Variants in WDFY3 observed in about 807,000 individuals in gnomAD.
WDFY3 encodes the protein WD repeat and FYVE domain containing 3, also known as WD repeat and FYVE domain-containing protein 3.
Under a neutral mutation model 409.6 loss-of-function variants are expected in WDFY3, and 66 were observed. The ratio of observed to expected loss-of-function variants is 0.16; its 90% confidence interval spans 0.13 to 0.20. The LOEUF (loss-of-function observed/expected upper bound fraction) is 0.20. Among genes scored for constraint, WDFY3 ranks in the 10% least tolerant of loss-of-function variants. WDFY3 has a pLI of 1.00. For synonymous variants in WDFY3, 1,521 were observed against 1,537.1 expected (o/e 0.99, Z 0.25); for missense variants, 3,031 against 4,298.1 (o/e 0.71, Z 8.24).
intron 2 of WDFY3, among the ~76,000 whole-genome samples, chr4:84,900,852 A>G (rs1445223956): frequency 6.6e-6 from 1 of 152,240 alleles, no homozygotes; most frequent in African/African-American, 2.4e-5. Flanking sequence ...AAAAACAAAA[A>G]CTTTTGAAAA....
intron 62 of WDFY3, among the ~76,000 whole-genome samples, chr4:84,685,877 G>T (rs1384984419): frequency 6.6e-6 from 1 of 152,176 alleles, no homozygotes; most frequent in African/African-American, 2.4e-5. Flanking sequence ...CAGTATTTAA[G>T]TTAAGAACAA....
intron 4 of WDFY3, among the ~76,000 whole-genome samples, chr4:84,859,436 A>T (rs1326488309): frequency 6.6e-6 from 1 of 152,178 alleles, no homozygotes; most frequent in Non-Finnish European, 1.5e-5. Context: ...ACACAACAGC[A>T]GTAAAAGTAT....
chr4:84,712,086 GGCCAA>G (rs1181950916), intron 51 of WDFY3, among the ~76,000 whole-genome samples: 1 of 151,808 alleles, frequency 6.6e-6, no homozygotes, highest in African/African-American at 2.4e-5. Context: ...CGCTTTGAGG[GGCCAA>G]GATGGGTGGA....
chr4:84,860,724 C>A (rs1258278115), intron 3 of WDFY3, 102 bp from the exon 4 acceptor site: 8 of 1,063,888 alleles, frequency 7.5e-6, no homozygotes, highest in Admixed American at 3.9e-5. Flanking sequence ...ATAGAAAATT[C>A]TGTCTAAAAT....
intron 3 of WDFY3, among the ~76,000 whole-genome samples, chr4:84,883,463 C>T (rs1763807807): frequency 6.6e-6 from 1 of 152,144 alleles, no homozygotes; most frequent in Admixed American, 6.6e-5. Flanking sequence ...AGAAGGAAAG[C>T]AATGTCATAA....
At chr4:84,695,522 A>C (rs1016139346) in intron 58 of WDFY3, among the ~76,000 whole-genome samples, 6 of 148,444 alleles carry the variant, frequency 4.0e-5, no homozygotes, top group African/African-American at 1.5e-4. Context: ...AGAGAGAGAG[A>C]GAGAGAGAGA....
At chr4:84,860,893 C>T (rs1328085510) in intron 3 of WDFY3, among the ~76,000 whole-genome samples, 7 of 152,032 alleles carry the variant, frequency 4.6e-5, no homozygotes, top group South Asian at 2.1e-4. Flanking sequence ...TAAATGTTTC[C>T]AATTAGTTTA....
chr4:84,899,481 G>A (rs907111625), intron 2 of WDFY3, among the ~76,000 whole-genome samples: 2 of 152,258 alleles, frequency 1.3e-5, no homozygotes, highest in South Asian at 2.1e-4. Flanking sequence ...TATTTATTAT[G>A]TACTCATGAT....
At chr4:84,890,144 G>A (rs1460708919) in intron 3 of WDFY3, among the ~76,000 whole-genome samples, 1 of 151,992 alleles carries the variant, frequency 6.6e-6, no homozygotes, top group Non-Finnish European at 1.5e-5. Context: ...CTGTAACTCA[G>A]GCTGGAGTAC....
At chr4:84,745,060 A>G (rs1193511763) in intron 36 of WDFY3, among the ~76,000 whole-genome samples, 2 of 152,116 alleles carry the variant, frequency 1.3e-5, no homozygotes, top group Admixed American at 1.3e-4. Flanking sequence ...ATCTTATGTT[A>G]AAGTGTAGAG....
chr4:84,874,555 T>C (rs1762522438), intron 3 of WDFY3, among the ~76,000 whole-genome samples: 1 of 152,164 alleles, frequency 6.6e-6, no homozygotes, highest in African/African-American at 2.4e-5. Context: ...TCACTCTAAA[T>C]TCTGCCACAC....
chr4:84,795,090 G>T (rs1749155180), intron 19 of WDFY3, 111 bp from the exon 20 acceptor site: 1 of 704,254 alleles, frequency 1.4e-6, no homozygotes, highest in Non-Finnish European at 2.0e-6. Flanking sequence ...CTAGAGAAAA[G>T]ATCATGGAAT....
At chr4:84,944,241 T>G (rs1473294866) in intron 1 of WDFY3, among the ~76,000 whole-genome samples, 1 of 152,072 alleles carries the variant, frequency 6.6e-6, no homozygotes, top group Non-Finnish European at 1.5e-5. Context: ...GAAGCAAAAA[T>G]CAGCCAGGCA....
At chr4:84,716,734 G>C (rs1734008466) in intron 49 of WDFY3, among the ~76,000 whole-genome samples, 162 bp downstream of exon 49, 1 of 151,950 alleles carries the variant, frequency 6.6e-6, no homozygotes, top group Non-Finnish European at 1.5e-5. Flanking sequence ...GGGAGGCGGA[G>C]GTTGCAGTGA....
In WDFY3 at chr4:84,759,807, C is replaced by T. The variant is rs1241827229; in HGVS notation, c.5189-2646G>A. On this transcript the variant is annotated intron_variant, in intron 32 of 67. Transcript: ENST00000295888. ...TGAATACCTTTATTTCCTTCTCCTG[C>T]CTAATTGCCCTGGCCAGAACTTCCA... Among the ~76,000 whole-genome samples the T allele has an allele frequency of 2.6e-5, 4 of 151,818 alleles. No individual in the cohort carries two copies. In the East Asian group the frequency reaches 7.8e-4, roughly 30 times the overall value.
intron 44 of WDFY3, among the ~76,000 whole-genome samples, chr4:84,727,237 T>TA (rs956203657): frequency 4.6e-4 from 67 of 145,054 alleles, no homozygotes; most frequent in South Asian, 8.7e-4. Flanking sequence ...TTACATTGTT[T>TA]AAAAAAAAAA....
At chr4:84,829,715 G>A (rs1184485496) in intron 8 of WDFY3, among the ~76,000 whole-genome samples, 2 of 151,726 alleles carry the variant, frequency 1.3e-5, no homozygotes, top group Admixed American at 6.6e-5. Flanking sequence ...GCTGAGGTAG[G>A]AGAATCACTT....
At chr4:84,704,481 G>T in intron 54 of WDFY3, 37 bp from the exon 55 acceptor site, 2 of 1,457,848 alleles carry the variant, frequency 1.4e-6, no homozygotes, top group Non-Finnish European at 1.9e-6. Flanking sequence ...GAAACCAAAA[G>T]AAGAAATATG....
At chr4:84,877,208 C>T (rs1762908889) in intron 3 of WDFY3, among the ~76,000 whole-genome samples, 1 of 152,192 alleles carries the variant, frequency 6.6e-6, no homozygotes, top group Non-Finnish European at 1.5e-5. Context: ...TACTGCAGGC[C>T]TCCTTGCTCT....
Sources: allele counts gnomAD v4.1 joint callset (sites outside exome capture counted in the v4.1 genomes callset), GRCh38; gene constraint gnomAD v4.1.1; transcripts MANE v1.5; gene names NCBI Gene and HGNC (gene_info 2026-07-23, HGNC 2026-07-21).